EPHA6: variants seen among roughly 807,000 people sequenced by gnomAD.
EPHA6 encodes ephrin type-A receptor 6.
A neutral mutation model predicts 112.0 loss-of-function variants in EPHA6; 50 were observed. That is an observed-to-expected ratio of 0.45 (90% confidence interval 0.36 to 0.56). The LOEUF (loss-of-function observed/expected upper bound fraction) is 0.56. Among genes scored for constraint, EPHA6 ranks in the 20% least tolerant of loss-of-function variants. The probability of loss-of-function intolerance (pLI) is 0.00; values close to 1 mark genes in which losing one functional copy is unlikely to be tolerated. For synonymous variants in EPHA6, 529 were observed against 490.7 expected, an observed-to-expected ratio of 1.08 and a Z score of -1.03; for missense variants, 1,280 against 1,417.4, an observed-to-expected ratio of 0.90 and a Z score of 1.56.
chr3:96,880,004 G>C (rs981823448), intron 2 of EPHA6, among the ~76,000 whole-genome samples: 7 of 152,004 alleles, frequency 4.6e-5, no homozygotes, highest in Non-Finnish European at 1.0e-4. Context: ...TGGGTACAAT[G>C]TACGCTATTT....
chr3:97,205,891 TA>T (rs2077702804), intron 3 of EPHA6, among the ~76,000 whole-genome samples: 1 of 152,134 alleles, frequency 6.6e-6, no homozygotes, highest in African/African-American at 2.4e-5. Context: ...CAGATAGTTA[TA>T]ATACTATTCT....
intron 14 of EPHA6, among the ~76,000 whole-genome samples, chr3:97,641,049 T>C (rs2093999278): frequency 6.6e-6 from 1 of 152,188 alleles, no homozygotes; most frequent in Non-Finnish European, 1.5e-5. Flanking sequence ...ATGGCACTAA[T>C]ATTTCTAGAT....
At chr3:97,335,598 T>C (rs2083018714) in intron 5 of EPHA6, among the ~76,000 whole-genome samples, 1 of 152,140 alleles carries the variant, frequency 6.6e-6, no homozygotes, top group East Asian at 1.9e-4. Context: ...AAAACTTTTC[T>C]AGCCTCCATC....
chr3:97,311,734 GTTC>G (rs2081573267), intron 5 of EPHA6, among the ~76,000 whole-genome samples: 2 of 141,890 alleles, frequency 1.4e-5, no homozygotes, highest in African/African-American at 5.6e-5. Flanking sequence ...TACAATCTTG[GTTC>G]TTCTTTTTGA....
chr3:97,407,175 A>G (rs908990038), intron 6 of EPHA6, among the ~76,000 whole-genome samples: 1 of 152,222 alleles, frequency 6.6e-6, no homozygotes, highest in South Asian at 2.1e-4. Context: ...AATTTTATAA[A>G]TTAATATGAT....
intron 15 of EPHA6, among the ~76,000 whole-genome samples, chr3:97,731,829 T>G (rs1056572206): frequency 6.6e-5 from 10 of 152,024 alleles, no homozygotes; most frequent in African/African-American, 2.4e-4. Flanking sequence ...GAGAATTGCT[T>G]CTTCTCCTCT....
chr3:97,710,250 A>C (rs2033897739), intron 14 of EPHA6, among the ~76,000 whole-genome samples: 1 of 151,926 alleles, frequency 6.6e-6, no homozygotes, highest in East Asian at 1.9e-4. Flanking sequence ...TGAGTAGCTG[A>C]CCCCAAACAG....
Position 97,535,433 on chromosome 3 carries a change from C to T in EPHA6, c.2386+2890C>T, listed in dbSNP as rs150096833. ...AGCATTAACTTGTTAGAGTGAGCCC[C>T]GTATAGGGTGGTGTGGAGCTACCAA... On this transcript the variant is annotated intron_variant, in intron 11 of 17. Coordinates refer to ENST00000389672, the MANE Select transcript of EPHA6 (RefSeq NM_001080448.3). Among the ~76,000 whole-genome samples the T allele has an allele frequency of 6.0e-3, 909 of 152,118 alleles. 9 individuals are homozygous for T. The highest frequency in any genetic ancestry group is 0.021 in the African/African-American group (854 of 41,530).
At chr3:96,865,216 T>C (rs2036236833) in intron 1 of EPHA6, among the ~76,000 whole-genome samples, 1 of 152,138 alleles carries the variant, frequency 6.6e-6, no homozygotes, top group African/African-American at 2.4e-5. Context: ...TATTCTGCAA[T>C]GAGTAAGTAG....
chr3:97,681,202 A>G (rs2031834844), intron 14 of EPHA6, among the ~76,000 whole-genome samples: 1 of 152,174 alleles, frequency 6.6e-6, no homozygotes, highest in Non-Finnish European at 1.5e-5. Context: ...TCAAACTGGC[A>G]GAAATTAAAA....
chr3:96,831,517 A>AT (rs1323450775), intron 1 of EPHA6, among the ~76,000 whole-genome samples: 3,460 of 144,666 alleles, frequency 0.024, 109 homozygotes, highest in African/African-American at 0.074. Flanking sequence ...GTGATTGTTC[A>AT]TTTTTTTTTT....
intron 14 of EPHA6, among the ~76,000 whole-genome samples, chr3:97,673,450 T>C (rs937027720): frequency 6.6e-6 from 1 of 152,104 alleles, no homozygotes; most frequent in African/African-American, 2.4e-5. Flanking sequence ...GAAGATGAGG[T>C]GAATTCACAA....
chr3:97,480,813 A>G (rs57096753), intron 9 of EPHA6, among the ~76,000 whole-genome samples: 28,545 of 147,166 alleles, frequency 0.19, 4,010 homozygotes, highest in African/African-American at 0.39. Context: ...GCGGCTGCCG[A>G]GCGGAGGGAC....
chr3:97,432,237 T>A (rs934307769), intron 6 of EPHA6, among the ~76,000 whole-genome samples: 1 of 152,154 alleles, frequency 6.6e-6, no homozygotes, highest in Non-Finnish European at 1.5e-5. Flanking sequence ...ACAAATGCAA[T>A]TCCATCCACT....
At chr3:97,559,522 G>A (rs2093159772) in intron 11 of EPHA6, 1 of 409,168 alleles carries the variant, frequency 2.4e-6, no homozygotes, top group South Asian at 1.8e-5. Flanking sequence ...AGAAATCAGA[G>A]TGACTGAGTG....
At chr3:97,494,708 CT>C (rs2091933121) in intron 10 of EPHA6, among the ~76,000 whole-genome samples, 1 of 152,056 alleles carries the variant, frequency 6.6e-6, no homozygotes, top group Admixed American at 6.6e-5. Flanking sequence ...AAAGTGCTTC[CT>C]TATAACTCCG....
At position 97,265,867 on chromosome 3, in the gene EPHA6, C is replaced by A. The variant is rs527783951; in HGVS notation, c.1606+21580C>A. Among the ~76,000 whole-genome samples the A allele has an allele frequency of 2.4e-3, 370 of 152,306 alleles. 3 individuals carry two copies. The highest frequency in any genetic ancestry group is 7.9e-3 in the African/African-American group (330 of 41,570). On this transcript the variant is annotated intron_variant, in intron 5 of 17. Coordinates refer to ENST00000389672, the MANE Select transcript of EPHA6 (RefSeq NM_001080448.3). ...GCTATCGGGGTAGCCCTAGACAATA[C>A]GTAAATGAGTAAGCATGCCTGTGTT...
At chr3:97,559,687 G>A (rs1441832944) in intron 11 of EPHA6, 1 of 449,342 alleles carries the variant, frequency 2.2e-6, no homozygotes, top group Non-Finnish European at 4.4e-6. Context: ...TAGAGCTAAT[G>A]TGTATGCTGT....
chr3:97,552,932 A>G (rs2093049414), intron 11 of EPHA6, among the ~76,000 whole-genome samples: 1 of 152,136 alleles, frequency 6.6e-6, no homozygotes, highest in Non-Finnish European at 1.5e-5. Context: ...ATTAGATACA[A>G]TTACATGAAC....
Sources: gnomAD v4.1 joint callset for allele counts (sites outside exome capture counted in the v4.1 genomes callset) on GRCh38, gnomAD v4.1.1 for gene constraint, MANE v1.5 for transcripts, NCBI Gene and HGNC (gene_info 2026-07-23, HGNC 2026-07-21) for gene names.